The following LONRF1 variants were observed in gnomAD, a reference collection of about 807,000 sequenced individuals.
LONRF1 encodes LON peptidase N-terminal domain and ring finger 1.
LONRF1 carries 37 observed loss-of-function variants against 85.8 expected under a neutral mutation model. That is an observed-to-expected ratio of 0.43 (90% CI 0.33 to 0.57). The LOEUF is 0.57. Among genes scored for constraint, LONRF1 ranks in the 20% least tolerant of loss-of-function variants. The pLI is 0.04. For missense variants in LONRF1, 1,036 were observed against 978.0 expected, an observed-to-expected ratio of 1.06 and a Z score of -0.79; for synonymous variants, 517 against 390.1, an observed-to-expected ratio of 1.33 and a Z score of -3.83.
At position 12,734,217 on chromosome 8, in the gene LONRF1, A is replaced by ATGTTTC. The variant is rs1444324809; in HGVS notation, c.1566+1063_1566+1068dup. On this transcript the variant is annotated intron_variant, in intron 7 of 11. Transcript: ENST00000398246. ...ACTCTTTTAAGAATAAATGTATCTG[A>ATGTTTC]TGTTTCCTGACTTTGAGAAAATTCT... 2.0e-5 allele frequency among the ~76,000 whole-genome samples: 3 copies of ATGTTTC among 150,216 alleles called. No individual in the cohort carries two copies. In the East Asian group the frequency reaches 6.0e-4, roughly 30 times the overall value.
intron 10 of LONRF1, 87 bp from the exon 11 acceptor site, chr8:12,725,966 C>G: frequency 8.0e-7 from 1 of 1,252,068 alleles, no homozygotes; most frequent in Non-Finnish European, 1.1e-6. Context: ...AAAAAGGGAT[C>G]AGAAGAACAG....
chr8:12,723,135 C>G lies in LONRF1; in HGVS notation c.2283G>C (p.Gln761His). ...CTCTAGAAAAATAGGTCAGTATATG[C>G]TGTATCTTGGTCAACCGTTCTTTCA... ...KSLKERLTKI[Q>H]HILTYFSRDQ... The change falls in exon 12 of 12, where the codon CAG becomes CAC. Residue 761 changes from glutamine to histidine, a missense_variant. Gln to His is a conservative substitution (Grantham distance 24, BLOSUM62 0). Around this residue, in one of 3 missense-constraint regions of LONRF1, gnomAD observed 265 missense variants for 301.5 expected, o/e 0.88. Transcript: ENST00000398246. 1 of 1,614,060 alleles carries G rather than the reference C, an allele frequency of 6.2e-7. No individual in the cohort carries two copies.
intron 9 of LONRF1, 45 bp downstream of exon 9, chr8:12,729,129 G>A (rs769182679): frequency 1.2e-6 from 2 of 1,612,006 alleles, no homozygotes; most frequent in Non-Finnish European, 1.7e-6. Context: ...TCCATATTGA[G>A]AGGTCTAACA....
At position 12,736,184 on chromosome 8, in the gene LONRF1, T is replaced by A. The variant is rs191858855; in HGVS notation, c.1451+517A>T. Among the ~76,000 whole-genome samples, 19 of 152,280 alleles carry A rather than the reference T, an allele frequency of 1.2e-4. 1 individual carries two copies. Among genetic ancestry groups the A allele is most frequent in the Non-Finnish European group, 1.9e-4 (13 of 67,998 alleles). ...GTATGAATCTTTTGATCCTACACAA[T>A]TCATGTAAATGAGAAATGTTATTTC... On this transcript the variant is annotated intron_variant, in intron 6 of 11. Coordinates refer to ENST00000398246, the MANE Select transcript of LONRF1 (RefSeq NM_152271.5).
chr8:12,738,016 G>T lies in LONRF1; in HGVS notation c.1092C>A (p.Leu364=), dbSNP rs141142061. The T allele has an allele frequency of 4.5e-4, 732 of 1,608,870 alleles. 3 individuals carry two copies. The African/African-American group carries it at 8.9e-3, about 19-fold the overall frequency. ...GTACCTGCTTTGGGCTAGGTTCATTGAGAGACTGAGACTCTTCCATCACTG... is the reference window on the plus strand; with the variant it reads ...GTACCTGCTTTGGGCTAGGTTCATTTAGAGACTGAGACTCTTCCATCACTG... The part of the protein sequence containing the change: ...FHSVMEESQS[L]NEPSPKQSEE... Residue 364 remains leucine, a synonymous_variant, in exon 4 of 12, where the codon CTC becomes CTA. Coordinates refer to ENST00000398246, the MANE Select transcript of LONRF1 (RefSeq NM_152271.5).
At chr8:12,724,946 G>A (rs891432662) in intron 11 of LONRF1, among the ~76,000 whole-genome samples, 5 of 152,224 alleles carry the variant, frequency 3.3e-5, no homozygotes, top group African/African-American at 1.2e-4. Flanking sequence ...ATTACAATGA[G>A]ATCTATTATC....
At chr8:12,746,626 C>T (rs1477945122) in intron 1 of LONRF1, among the ~76,000 whole-genome samples, 1 of 152,156 alleles carries the variant, frequency 6.6e-6, no homozygotes, top group African/African-American at 2.4e-5. Flanking sequence ...CTTTAATATT[C>T]CGGGGCTTTT....
chr8:12,742,813 T>C (rs987790165), intron 2 of LONRF1, among the ~76,000 whole-genome samples: 2 of 151,966 alleles, frequency 1.3e-5, no homozygotes, highest in African/African-American at 4.8e-5. Context: ...ACAACCTCAA[T>C]CTCCAGGGCT....
chr8:12,745,446 C>G (rs1042546389), intron 1 of LONRF1, among the ~76,000 whole-genome samples: 64 of 151,926 alleles, frequency 4.2e-4, no homozygotes, highest in African/African-American at 1.5e-3. Flanking sequence ...GCTAAATGAG[C>G]CCCTTTGAAA....
chr8:12,754,562 G>A (rs1563164639), intron 1 of LONRF1, 138 bp downstream of exon 1: 6 of 842,032 alleles, frequency 7.1e-6, no homozygotes, highest in Non-Finnish European at 6.0e-6. Flanking sequence ...CCAGCACCCC[G>A]AGACCCGACA....
intron 6 of LONRF1, among the ~76,000 whole-genome samples, chr8:12,736,283 C>A (rs1798712526): frequency 6.6e-6 from 1 of 152,130 alleles, no homozygotes; most frequent in Non-Finnish European, 1.5e-5. Flanking sequence ...TTTAAAAAGA[C>A]TTTATGGTTA....
intron 7 of LONRF1, among the ~76,000 whole-genome samples, chr8:12,732,237 TAAATA>T (rs1798554784): frequency 6.6e-6 from 1 of 152,202 alleles, no homozygotes; most frequent in Admixed American, 6.5e-5. Flanking sequence ...GGATAAGGAA[TAAATA>T]AAATAACACA....
In LONRF1 at chr8:12,755,085, G is replaced by T; in HGVS notation, c.336C>A (p.Gly112=). The T allele has an allele frequency of 6.8e-7, 1 of 1,471,410 alleles. No homozygotes were observed. The highest frequency in any genetic ancestry group is 9.0e-7 in the Non-Finnish European group (1 of 1,116,686). The allele number at this position is 1,471,410 out of a possible 1,614,324, so 91.1% of individuals were successfully genotyped here. ...GGAGCCCGCCGGCGCCGCCGTCAGC[G>T]CCTGCAACCGGGGCCGCGCTCCAGC... The part of the protein sequence containing the change: ...GLGWSAAPVA[G]ADGGAGGLLR... Residue 112 remains glycine, a synonymous_variant, in exon 1 of 12, where the codon GGC becomes GGA. Coordinates refer to ENST00000398246, the MANE Select transcript of LONRF1 (RefSeq NM_152271.5).
At chr8:12,732,373 C>T (rs1396121970) in intron 7 of LONRF1, among the ~76,000 whole-genome samples, 1 of 152,162 alleles carries the variant, frequency 6.6e-6, no homozygotes, top group Non-Finnish European at 1.5e-5. Context: ...GAGGAGCAGA[C>T]CTCAACTCTG....
At position 12,737,978 on chromosome 8, in the gene LONRF1, C is replaced by T; in HGVS notation, c.1113+17G>A. On this transcript the variant is annotated intron_variant, in intron 4 of 11. Transcript: ENST00000398246. Reference sequence around the variant, plus strand: ...ATGGATACGCTAAACTCATGATAACCTTGTCTCACCCCGTACCTGCTTTGG... The same window carrying T: ...ATGGATACGCTAAACTCATGATAACTTTGTCTCACCCCGTACCTGCTTTGG... 6.3e-7 allele frequency: 1 copy of T among 1,590,746 alleles called. No individual in the cohort carries two copies. The highest frequency in any genetic ancestry group is 1.4e-5 in the African/African-American group (1 of 73,522).
chr8:12,751,103 C>T (rs1799367263), intron 1 of LONRF1, among the ~76,000 whole-genome samples: 1 of 152,058 alleles, frequency 6.6e-6, no homozygotes, highest in Non-Finnish European at 1.5e-5. Flanking sequence ...AGGATTGGAA[C>T]CCAGGTGTCA....
At chr8:12,729,518 C>G in intron 8 of LONRF1, 186 bp from the exon 9 acceptor site, 1 of 549,422 alleles carries the variant, frequency 1.8e-6, no homozygotes, top group Non-Finnish European at 3.3e-6. Flanking sequence ...TAAGCTCACA[C>G]TGATGAAATA....
At chr8:12,725,665 G>A in intron 11 of LONRF1, 62 bp downstream of exon 11, 2 of 1,513,530 alleles carry the variant, frequency 1.3e-6, no homozygotes, top group Non-Finnish European at 1.8e-6. Flanking sequence ...AACAAATGTA[G>A]AAGTGTGCAA....
intron 1 of LONRF1, among the ~76,000 whole-genome samples, chr8:12,746,383 A>G (rs964885937): frequency 4.6e-5 from 7 of 152,094 alleles, no homozygotes; most frequent in African/African-American, 1.4e-4. Context: ...CATGTACACC[A>G]TTCTATTTCA....
Sources: gnomAD v4.1 joint callset for allele counts (sites outside exome capture counted in the v4.1 genomes callset) on GRCh38, gnomAD v4.1.1 for gene constraint, gnomAD v4.1.1 regional missense constraint, MANE v1.5 for transcripts, NCBI Gene and HGNC (gene_info 2026-07-23, HGNC 2026-07-21) for gene names.